Variants in NDUFA5 observed in about 807,000 individuals in gnomAD.
NDUFA5 encodes NADH:ubiquinone oxidoreductase subunit A5.
NDUFA5 carries 11 observed loss-of-function variants against 19.8 expected under a neutral mutation model. That is an observed-to-expected ratio of 0.56 (90% CI 0.35 to 0.92). NDUFA5 has a LOEUF of 0.92. Among genes scored for constraint, NDUFA5 ranks in the 40% least tolerant of loss-of-function variants. The pLI is 0.01. For missense variants in NDUFA5, 109 were observed against 134.2 expected (o/e 0.81, Z 0.93); for synonymous variants, 47 against 46.8 (o/e 1.00, Z -0.01).
the NDUFA5 span, among the ~76,000 whole-genome samples, chr7:123,596,844 A>C: frequency 6.6e-6 from 1 of 152,246 alleles, no homozygotes; most frequent in Non-Finnish European, 1.5e-5. Context: ...TTCAGAGAGA[A>C]TAGAGTACAA....
intron 4 of NDUFA5, among the ~76,000 whole-genome samples, chr7:123,544,298 A>G (rs558391635): frequency 6.6e-6 from 1 of 152,222 alleles, no homozygotes; most frequent in East Asian, 1.9e-4. Context: ...CAGGAGTTCG[A>G]GACCAGCCTG....
the NDUFA5 span, among the ~76,000 whole-genome samples, chr7:123,565,143 A>C: frequency 3.3e-5 from 5 of 152,200 alleles, no homozygotes; most frequent in African/African-American, 1.2e-4. Context: ...GTCCCAGTCC[A>C]AGAGTAAGAG....
the NDUFA5 span, among the ~76,000 whole-genome samples, chr7:123,599,533 A>G: frequency 4.6e-5 from 7 of 152,234 alleles, 1 homozygote; most frequent in Admixed American, 4.6e-4. Flanking sequence ...CCTGTGGGCA[A>G]AGTGAGGCTG....
rs140470692 is a variant in NDUFA5 at position 123,547,116 on chromosome 7, T to G, written c.184-1440A>C. ...AGAAGCTGAAAGAGGCAAGAACAGA[T>G]TCTACCCAATATCCTCCAAAGGAAG... On this transcript the variant is annotated intron_variant, in intron 3 of 4. Transcript: ENST00000355749. Among the ~76,000 whole-genome samples the G allele has an allele frequency of 3.7e-4, 57 of 152,216 alleles. 1 individual carries two copies. Among genetic ancestry groups the G allele is most frequent in the African/African-American group, 1.3e-3 (55 of 41,546 alleles).
chr7:123,572,806 A>G, the NDUFA5 span, among the ~76,000 whole-genome samples: 1 of 151,726 alleles, frequency 6.6e-6, no homozygotes, highest in Non-Finnish European at 1.5e-5. Context: ...TACATTTATT[A>G]TAACTGAGGT....
the NDUFA5 span, among the ~76,000 whole-genome samples, chr7:123,564,009 C>A: frequency 6.6e-6 from 1 of 152,136 alleles, no homozygotes; most frequent in African/African-American, 2.4e-5. Flanking sequence ...CATTAATATT[C>A]TATACTTCTG....
chr7:123,543,134 A>C (rs906206461), intron 4 of NDUFA5, among the ~76,000 whole-genome samples: 1 of 152,234 alleles, frequency 6.6e-6, no homozygotes, highest in African/African-American at 2.4e-5. Context: ...TGAGTTAAAG[A>C]GCAGATGAAT....
chr7:123,590,738 C>G, the NDUFA5 span, among the ~76,000 whole-genome samples: 1 of 152,140 alleles, frequency 6.6e-6, no homozygotes, highest in Non-Finnish European at 1.5e-5. Flanking sequence ...AGCGTGATGC[C>G]TCCAACTTTG....
At chr7:123,599,502 C>G in the NDUFA5 span, among the ~76,000 whole-genome samples, 944 of 152,284 alleles carry the variant, frequency 6.2e-3, 8 homozygotes, top group African/African-American at 0.022. Flanking sequence ...GTGCCACACT[C>G]TTTTTCAGGA....
the NDUFA5 span, among the ~76,000 whole-genome samples, chr7:123,592,651 C>G: frequency 6.6e-6 from 1 of 151,976 alleles, no homozygotes; most frequent in Admixed American, 6.6e-5. Flanking sequence ...TCTGAGAGAC[C>G]GTTTGTTGCG....
At chr7:123,587,053 T>C in the NDUFA5 span, among the ~76,000 whole-genome samples, 1 of 151,682 alleles carries the variant, frequency 6.6e-6, no homozygotes, top group East Asian at 1.9e-4. Flanking sequence ...CCATTTAAGG[T>C]CTTTTTTGGT....
the NDUFA5 span, among the ~76,000 whole-genome samples, chr7:123,600,170 T>A: frequency 1.3e-5 from 2 of 152,010 alleles, no homozygotes; most frequent in Admixed American, 6.6e-5. Context: ...ATAAATAATC[T>A]CAAAAATGTA....
chr7:123,594,085 G>T, the NDUFA5 span, among the ~76,000 whole-genome samples: 2 of 151,964 alleles, frequency 1.3e-5, no homozygotes, highest in African/African-American at 4.8e-5. Flanking sequence ...ACTGAAGCTT[G>T]TGTATGCTTC....
chr7:123,593,751 T>C, the NDUFA5 span, among the ~76,000 whole-genome samples: 1 of 152,138 alleles, frequency 6.6e-6, no homozygotes, highest in Non-Finnish European at 1.5e-5. Context: ...TGAACACTTA[T>C]GTGTCTTGGG....
chr7:123,563,492 A>G, the NDUFA5 span, among the ~76,000 whole-genome samples: 1 of 152,204 alleles, frequency 6.6e-6, no homozygotes. Context: ...ACTCTAAGAC[A>G]CTTAATAACA....
chr7:123,590,214 G>T, the NDUFA5 span, among the ~76,000 whole-genome samples: 1 of 152,198 alleles, frequency 6.6e-6, no homozygotes, highest in Non-Finnish European at 1.5e-5. Flanking sequence ...GTAGATTCTG[G>T]TTATTCACCC....
chr7:123,599,906 G>A, the NDUFA5 span, among the ~76,000 whole-genome samples: 1 of 152,204 alleles, frequency 6.6e-6, no homozygotes, highest in South Asian at 2.1e-4. Flanking sequence ...AAAACTAGAG[G>A]CACTGTTTGA....
rs531596528 is a variant in NDUFA5 at position 123,538,909 on chromosome 7, A to T, written c.*3210T>A. On this transcript the variant is annotated 3_prime_UTR_variant, in exon 5 of 5. Transcript: ENST00000355749. ...CCTATATATTGTCATCTCCCTTTTA[A>T]AAAAGATACATTCATAAACATTGTT... The T allele has an allele frequency of 9.8e-5, 15 of 152,350 alleles. No individual in the cohort carries two copies. The highest frequency in any genetic ancestry group is 3.6e-4 in the African/African-American group (15 of 41,586). 9.4% of individuals were successfully genotyped at this position (152,350 alleles called of 1,614,324 possible).
At chr7:123,559,635 T>A (rs1220030561), upstream of NDUFA5, among the ~76,000 whole-genome samples, 1 of 152,020 alleles carries the variant, frequency 6.6e-6, no homozygotes, top group Non-Finnish European at 1.5e-5. Context: ...GGCAGGAGGA[T>A]CACCTGAGGT....
Sources: allele counts gnomAD v4.1 joint callset (sites outside exome capture counted in the v4.1 genomes callset), GRCh38; gene constraint gnomAD v4.1.1; transcripts MANE v1.5; gene names NCBI Gene and HGNC (gene_info 2026-07-23, HGNC 2026-07-21).